SLC35D4: variants seen among roughly 807,000 people sequenced by gnomAD.
SLC35D4 encodes UDP-N-acetylglucosamine transporter SLC35D4.
At chr18:23,273,498 A>G in the SLC35D4 span, among the ~76,000 whole-genome samples, 3 of 152,204 alleles carry the variant, frequency 2.0e-5, no homozygotes, top group African/African-American at 7.2e-5. Flanking sequence ...ATTGTTGTGG[A>G]GACACGGAAA....
At chr18:23,371,291 C>T in the SLC35D4 span, 3 of 661,872 alleles carry the variant, frequency 4.5e-6, no homozygotes, top group Non-Finnish European at 7.3e-6. Context: ...GATGGGGTTT[C>T]TCAAGGTTGC....
chr18:23,253,176 C>T, the SLC35D4 span: 1 of 665,466 alleles, frequency 1.5e-6, no homozygotes, highest in East Asian at 2.8e-5. Context: ...GTGATTGAGT[C>T]ATTGTCACAT....
the SLC35D4 span, among the ~76,000 whole-genome samples, chr18:23,248,906 T>G: frequency 6.6e-6 from 1 of 152,236 alleles, no homozygotes; most frequent in East Asian, 1.9e-4. Context: ...TAACCTAAGT[T>G]GGCATTTCAG....
the SLC35D4 span, among the ~76,000 whole-genome samples, chr18:23,313,215 T>C: frequency 6.8e-6 from 1 of 147,292 alleles, no homozygotes; most frequent in African/African-American, 2.5e-5. Context: ...GGCTTGGTAC[T>C]GGCTTCCTTT....
the SLC35D4 span, among the ~76,000 whole-genome samples, chr18:23,339,665 A>G: frequency 6.6e-6 from 1 of 152,200 alleles, no homozygotes; most frequent in South Asian, 2.1e-4. Context: ...TACAAGCAAT[A>G]AAGATTTGTC....
At chr18:23,317,645 C>T in the SLC35D4 span, among the ~76,000 whole-genome samples, 1 of 152,190 alleles carries the variant, frequency 6.6e-6, no homozygotes, top group Non-Finnish European at 1.5e-5. Context: ...GCATCAGTGT[C>T]ACTTGTGTCC....
chr18:23,354,363 A>G, the SLC35D4 span, among the ~76,000 whole-genome samples: 2 of 148,138 alleles, frequency 1.4e-5, no homozygotes, highest in Admixed American at 6.7e-5. Context: ...AAAAAAAAAA[A>G]AAAGAAAATT....
chr18:23,286,987 A>G, the SLC35D4 span, among the ~76,000 whole-genome samples: 1 of 150,664 alleles, frequency 6.6e-6, no homozygotes, highest in Non-Finnish European at 1.5e-5. Flanking sequence ...GCGACTGATC[A>G]TGCACCCCTT....
chr18:23,381,562 GT>G, the SLC35D4 span, among the ~76,000 whole-genome samples: 1 of 152,016 alleles, frequency 6.6e-6, no homozygotes, highest in Non-Finnish European at 1.5e-5. Context: ...GGAAAGAAAG[GT>G]TTGTTTTAAT....
the SLC35D4 span, among the ~76,000 whole-genome samples, chr18:23,364,926 A>AAAAAAAAAAAAAT: frequency 5.7e-4 from 1 of 1,748 alleles, no homozygotes; most frequent in Non-Finnish European, 7.9e-3. Context: ...AAAAAAAAAA[A>AAAAAAAAAAAAAT]AAAAAAAGGA....
chr18:23,398,738 T>G, the SLC35D4 span, among the ~76,000 whole-genome samples: 6 of 152,240 alleles, frequency 3.9e-5, no homozygotes, highest in Admixed American at 2.0e-4. Flanking sequence ...TTTGTTTGTT[T>G]TTACTGTTTT....
At chr18:23,368,069 C>T in the SLC35D4 span, among the ~76,000 whole-genome samples, 1 of 152,126 alleles carries the variant, frequency 6.6e-6, no homozygotes, top group African/African-American at 2.4e-5. Flanking sequence ...AAGCCTCAGA[C>T]TTCATCCTAC....
At chr18:23,294,314 C>T in the SLC35D4 span, among the ~76,000 whole-genome samples, 1 of 152,068 alleles carries the variant, frequency 6.6e-6, no homozygotes, top group Non-Finnish European at 1.5e-5. Flanking sequence ...CTGGAGACTC[C>T]CTAAGCAGAA....
chr18:23,274,057 C>T, the SLC35D4 span, among the ~76,000 whole-genome samples: 5 of 152,204 alleles, frequency 3.3e-5, no homozygotes, highest in South Asian at 4.2e-4. Flanking sequence ...CTCAGCCTCC[C>T]GAGTAGCTGG....
chr18:23,250,063 G>A, the SLC35D4 span, among the ~76,000 whole-genome samples: 1 of 152,222 alleles, frequency 6.6e-6, no homozygotes, highest in Non-Finnish European at 1.5e-5. Context: ...CAAGGGAAGT[G>A]TTATATCTAC....
the SLC35D4 span, among the ~76,000 whole-genome samples, chr18:23,263,256 A>G: frequency 6.6e-6 from 1 of 152,248 alleles, no homozygotes; most frequent in South Asian, 2.1e-4. Flanking sequence ...GCTGAGCCAG[A>G]TGCTGGAGAG....
chr18:23,336,808 G>C, the SLC35D4 span, among the ~76,000 whole-genome samples: 618 of 152,286 alleles, frequency 4.1e-3, 6 homozygotes, highest in African/African-American at 0.014. Context: ...GAGAAAGACA[G>C]TAACAGGCTC....
At chr18:23,424,048 T>C in the SLC35D4 span, among the ~76,000 whole-genome samples, 8 of 152,246 alleles carry the variant, frequency 5.3e-5, no homozygotes, top group South Asian at 1.5e-3. Context: ...AGGGAGGGAA[T>C]GTTACTGAGA....
chr18:23,243,392 A>G, the SLC35D4 span, among the ~76,000 whole-genome samples: 8 of 150,802 alleles, frequency 5.3e-5, no homozygotes, highest in African/African-American at 2.0e-4. Context: ...CTTTAGGTTA[A>G]GTGTTCACAT....
Sources: gnomAD v4.1 joint callset for allele counts (sites outside exome capture counted in the v4.1 genomes callset) on GRCh38, gnomAD v4.1.1 for gene constraint, MANE v1.5 for transcripts, NCBI Gene and HGNC (gene_info 2026-07-23, HGNC 2026-07-21) for gene names.